The following ZNF571 variants were observed in gnomAD, a reference collection of about 807,000 sequenced individuals.
ZNF571 encodes zinc finger protein 571.
In ZNF571, 4 loss-of-function variants were observed where a neutral mutation model predicts 7.7. That is an observed-to-expected ratio of 0.52 (90% CI 0.25 to 1.18). The LOEUF (loss-of-function observed/expected upper bound fraction) is 1.18, where lower values mean the gene tolerates loss of function less well. Among genes scored for constraint, ZNF571 ranks in the 50% most tolerant of loss-of-function variants. The probability of loss-of-function intolerance (pLI) is 0.14; values close to 1 mark genes in which losing one functional copy is unlikely to be tolerated. For missense variants in ZNF571, 704 were observed against 726.9 expected, an observed-to-expected ratio of 0.97 and a Z score of 0.36; for synonymous variants, 251 against 232.4, an observed-to-expected ratio of 1.08 and a Z score of -0.73.
chr19:37,578,713 A>G (rs1395699887), intron 3 of ZNF571, among the ~76,000 whole-genome samples: 1 of 151,468 alleles, frequency 6.6e-6, no homozygotes, highest in Admixed American at 6.6e-5. Flanking sequence ...GCACAGCTCC[A>G]CATTCCCCCA....
intron 3 of ZNF571, 126 bp downstream of exon 3, chr19:37,583,845 G>A (rs2043563044): frequency 1.1e-6 from 1 of 910,914 alleles, no homozygotes; most frequent in Non-Finnish European, 1.7e-6. Flanking sequence ...GTACACGGTG[G>A]AGCTGTCCAT....
At chr19:37,575,780 T>C (rs2043222241) in intron 3 of ZNF571, 1 of 152,216 alleles carries the variant, frequency 6.6e-6, no homozygotes, top group Admixed American at 6.5e-5. Flanking sequence ...AACATGGCTG[T>C]CACGGACTTG....
intron 3 of ZNF571, among the ~76,000 whole-genome samples, chr19:37,572,776 GTTC>G (rs1192334813): frequency 6.6e-6 from 1 of 152,086 alleles, no homozygotes; most frequent in African/African-American, 2.4e-5. Flanking sequence ...AATTTCTTCT[GTTC>G]TTCTATCATA....
intron 3 of ZNF571, among the ~76,000 whole-genome samples, chr19:37,582,137 G>A (rs1287574883): frequency 6.6e-6 from 1 of 152,050 alleles, no homozygotes; most frequent in African/African-American, 2.4e-5. Context: ...AACAGTGCCT[G>A]GTGAGTTAAT....
chr19:37,574,536 T>G (rs1274889531), intron 3 of ZNF571, among the ~76,000 whole-genome samples: 1 of 152,210 alleles, frequency 6.6e-6, no homozygotes, highest in Non-Finnish European at 1.5e-5. Flanking sequence ...CATTATAACA[T>G]TAGAACTCAA....
At chr19:37,572,926 T>TA (rs34102293) in intron 3 of ZNF571, among the ~76,000 whole-genome samples, 117,956 of 152,136 alleles carry the variant, frequency 0.78, 45,849 homozygotes, top group South Asian at 0.88. Context: ...ATTGAATGAC[T>TA]TTCAAACTTT....
intron 3 of ZNF571, chr19:37,575,397 A>G (rs898728700): frequency 5.9e-5 from 9 of 152,218 alleles, no homozygotes; most frequent in Admixed American, 2.6e-4. Context: ...TTTACCATAC[A>G]AATACTGTTC....
intron 3 of ZNF571, among the ~76,000 whole-genome samples, chr19:37,571,799 AACTG>A (rs2043063104): frequency 6.6e-6 from 1 of 152,204 alleles, no homozygotes; most frequent in East Asian, 1.9e-4. Context: ...GGGCTAGCCT[AACTG>A]ACCTAGCCTT....
At chr19:37,580,312 T>C (rs2043408296) in intron 3 of ZNF571, among the ~76,000 whole-genome samples, 1 of 152,238 alleles carries the variant, frequency 6.6e-6, no homozygotes, top group African/African-American at 2.4e-5. Context: ...ACATGTTCTA[T>C]CAATAGCTGC....
Position 37,564,825 on chromosome 19 carries a change from A to G in ZNF571, c.1603T>C (p.Cys535Arg), listed in dbSNP as rs1204995281. Residue 535 changes from cysteine (C) to arginine (R), a missense_variant, in exon 4 of 4, where the codon TGT becomes CGT. Coordinates refer to ENST00000451802, the MANE Select transcript of ZNF571 (RefSeq NM_016536.5). Reference sequence around the variant, plus strand: ...GAGCCACGAATAAAAGCCTTCCCACACTGTTTACATTCATAAGGTTTTTCA... The same window carrying G: ...GAGCCACGAATAAAAGCCTTCCCACGCTGTTTACATTCATAAGGTTTTTCA... Reference protein sequence around the residue: ...RGEKPYECKQCGKAFIRGSHL... With the variant: ...RGEKPYECKQRGKAFIRGSHL... 6 of 1,613,872 alleles carry G rather than the reference A, an allele frequency of 3.7e-6. No individual in the cohort carries two copies. Among genetic ancestry groups the G allele is most frequent in the Non-Finnish European group, 5.1e-6 (6 of 1,179,906 alleles).
At position 37,564,610 on chromosome 19, in the gene ZNF571, C is replaced by T. The variant is rs199608137; in HGVS notation, c.1818G>A (p.Arg606=). The change falls in exon 4 of 4, where the codon AGG becomes AGA. Residue 606 remains arginine, a synonymous_variant. Transcript: ENST00000451802. ...RCPSQLTQHT[R]LHN ...ATTCAAGGCTTTCTCAATTATGAAG[C>T]CTTGTATGTTGAGTAAGTTGTGAAG... is the stretch of plus-strand genomic sequence containing the variant. 2.4e-5 allele frequency: 37 copies of T among 1,518,816 alleles called. No homozygotes were observed. Among genetic ancestry groups the T allele is most frequent in the Non-Finnish European group, 2.9e-5 (33 of 1,133,634 alleles). The allele number at this position is 1,518,816 out of a possible 1,614,324, so 94.1% of individuals were successfully genotyped here. A position where few individuals can be genotyped will look rare whatever the true frequency, so the allele number is the denominator to read the frequency against.
At chr19:37,570,495 CAATGTT>C (rs1338625818) in intron 3 of ZNF571, among the ~76,000 whole-genome samples, 1 of 152,184 alleles carries the variant, frequency 6.6e-6, no homozygotes, top group Non-Finnish European at 1.5e-5. Context: ...AAAATATACT[CAATGTT>C]AATTTTTCTA....
chr19:37,575,132 C>A (rs1391857244), intron 3 of ZNF571, among the ~76,000 whole-genome samples: 1 of 152,196 alleles, frequency 6.6e-6, no homozygotes. Context: ...TCCACTTAAA[C>A]TATAACCTGA....
chr19:37,578,810 T>G (rs1015334491), intron 3 of ZNF571, among the ~76,000 whole-genome samples: 17 of 152,056 alleles, frequency 1.1e-4, no homozygotes, highest in African/African-American at 3.1e-4. Context: ...ACCGCACCTC[T>G]GCAGCAACCG....
At chr19:37,573,239 C>T (rs545904503) in intron 3 of ZNF571, among the ~76,000 whole-genome samples, 1 of 152,222 alleles carries the variant, frequency 6.6e-6, no homozygotes, top group South Asian at 2.1e-4. Context: ...ACATAGCAGC[C>T]TCCAGGCAAT....
In ZNF571 at chr19:37,564,305, C is replaced by T. The variant is rs2042771434; in HGVS notation, c.*293G>A. On this transcript the variant is annotated 3_prime_UTR_variant, in exon 4 of 4. Coordinates refer to ENST00000451802, the MANE Select transcript of ZNF571 (RefSeq NM_016536.5). Reference sequence around the variant, plus strand: ...TAATTATAATTTAGTCATTGTAATACAATTACAGTATTTTACAAATAGAAA... The same window carrying T: ...TAATTATAATTTAGTCATTGTAATATAATTACAGTATTTTACAAATAGAAA... 4.1e-6 allele frequency: 1 copy of T among 243,248 alleles called. No homozygotes were observed. The highest frequency in any genetic ancestry group is 2.2e-5 in the African/African-American group (1 of 44,692). The allele number at this position is 243,248 out of a possible 1,614,324, so 15.1% of individuals were successfully genotyped here. A position where few individuals can be genotyped will look rare whatever the true frequency, so the allele number is the denominator to read the frequency against.
chr19:37,587,307 C>T (rs1238994446), intron 1 of ZNF571: 1 of 152,268 alleles, frequency 6.6e-6, no homozygotes, highest in East Asian at 1.9e-4. Context: ...CACCTCCTCC[C>T]TTACTGCAGT....
intron 1 of ZNF571, among the ~76,000 whole-genome samples, chr19:37,587,787 A>C (rs2043728305): frequency 6.6e-6 from 1 of 151,828 alleles, no homozygotes; most frequent in Non-Finnish European, 1.5e-5. Flanking sequence ...CCGCTAACCA[A>C]TTTTCACCTC....
At chr19:37,591,735 G>A (rs1325169561) in intron 1 of ZNF571, among the ~76,000 whole-genome samples, 1 of 151,902 alleles carries the variant, frequency 6.6e-6, no homozygotes, top group African/African-American at 2.4e-5. Flanking sequence ...GTAGAGACGG[G>A]GTTTCTCCAT....
Sources: gnomAD v4.1 joint callset for allele counts (sites outside exome capture counted in the v4.1 genomes callset) on GRCh38, gnomAD v4.1.1 for gene constraint, MANE v1.5 for transcripts, NCBI Gene and HGNC (gene_info 2026-07-23, HGNC 2026-07-21) for gene names.